VPS35L: variants seen among roughly 807,000 people sequenced by gnomAD.
VPS35L encodes VPS35 endosomal protein sorting factor like.
VPS35L carries 83 observed loss-of-function variants against 133.0 expected under a neutral mutation model. The ratio of observed to expected loss-of-function variants is 0.62; its 90% confidence interval spans 0.52 to 0.75. The LOEUF (loss-of-function observed/expected upper bound fraction) is 0.75. Ranked by LOEUF, VPS35L falls within the 30% of genes least tolerant of loss-of-function variation. The pLI, the probability that VPS35L is intolerant of heterozygous loss-of-function variation, is 0.00. For missense variants in VPS35L, 1,083 were observed against 1,206.8 expected, an observed-to-expected ratio of 0.90 and a Z score of 1.52; for synonymous variants, 423 against 449.9, an observed-to-expected ratio of 0.94 and a Z score of 0.76.
At chr16:19,567,961 CCCTGTCTCCAAAAAAAAAAAAAAAAGACA>C (rs1567385856) in intron 2 of VPS35L, among the ~76,000 whole-genome samples, 1 of 145,354 alleles carries the variant, frequency 6.9e-6, no homozygotes, top group African/African-American at 2.6e-5. Context: ...CAAAGCGAGA[CCCTGTCTCCAAAAAAAAAAAAAAAAGACA>C]TCTTCACTTC....
chr16:19,623,795 T>TATG (rs1160829145), intron 14 of VPS35L, among the ~76,000 whole-genome samples: 1 of 115,918 alleles, frequency 8.6e-6, no homozygotes, highest in Non-Finnish European at 1.6e-5. Flanking sequence ...TTATTATTAT[T>TATG]ATTATTATTA....
chr16:19,610,476 A>G, intron 12 of VPS35L, 61 bp downstream of exon 12: 1 of 1,343,614 alleles, frequency 7.4e-7, no homozygotes, highest in East Asian at 2.5e-5. Context: ...TTGAATGTTC[A>G]CACAGGGCCC....
At position 19,561,559 on chromosome 16, in the gene VPS35L, C is replaced by T. The variant is rs186413360; in HGVS notation, c.18-3292C>T. Among the ~76,000 whole-genome samples the T allele has an allele frequency of 1.1e-4, 16 of 152,090 alleles. No homozygotes were observed. In the East Asian group the frequency reaches 2.1e-3, roughly 20 times the overall value. ...TATTGGGTAAAGCTGACTAGTTGCA[C>T]GGCACAATTAGATCTGGGGTGCTAG... is the stretch of plus-strand genomic sequence containing the variant. On this transcript the variant is annotated intron_variant, in intron 1 of 30. Transcript: ENST00000417362.
At chr16:19,648,054 A>G (rs954197983) in intron 24 of VPS35L, among the ~76,000 whole-genome samples, 172 bp downstream of exon 24, 1 of 152,128 alleles carries the variant, frequency 6.6e-6, no homozygotes, top group Non-Finnish European at 1.5e-5. Context: ...CCTGGGCTCA[A>G]GCAATTCTCC....
At chr16:19,676,584 G>A (rs1225290665) in intron 27 of VPS35L, among the ~76,000 whole-genome samples, 1 of 152,088 alleles carries the variant, frequency 6.6e-6, no homozygotes, top group African/African-American at 2.4e-5. Context: ...GTTGCAATTT[G>A]CAAGAAATGG....
At chr16:19,696,556 T>C (rs1048993464) in intron 29 of VPS35L, among the ~76,000 whole-genome samples, 1 of 151,966 alleles carries the variant, frequency 6.6e-6, no homozygotes, top group Non-Finnish European at 1.5e-5. Flanking sequence ...ACAGTTCTCA[T>C]AGGAAAAGCA....
At chr16:19,572,996 TAA>T in intron 3 of VPS35L, 121 bp from the exon 4 acceptor site, 1 of 1,171,110 alleles carries the variant, frequency 8.5e-7, no homozygotes, top group Non-Finnish European at 1.1e-6. Context: ...TTTATGATAG[TAA>T]ACCTTGAGAC....
At chr16:19,584,788 C>T (rs563627557) in intron 7 of VPS35L, among the ~76,000 whole-genome samples, 1 of 151,968 alleles carries the variant, frequency 6.6e-6, no homozygotes, top group Admixed American at 6.6e-5. Flanking sequence ...AAGTCCCAGA[C>T]TCAAGTGATC....
chr16:19,579,207 T>A, intron 6 of VPS35L, 79 bp downstream of exon 6: 1 of 1,288,336 alleles, frequency 7.8e-7, no homozygotes, highest in Non-Finnish European at 1.1e-6. Context: ...CCTCGGTGGC[T>A]GCTCTTTGAT....
At position 19,671,260 on chromosome 16, in the gene VPS35L, G is replaced by C. The variant is rs1041348703; in HGVS notation, c.2361+1961G>C. 1.5e-4 allele frequency among the ~76,000 whole-genome samples: 23 copies of C among 152,130 alleles called. 1 individual carries two copies. The highest frequency in any genetic ancestry group is 1.4e-3 in the Admixed American group (21 of 15,266). On this transcript the variant is annotated intron_variant, in intron 27 of 30. Transcript: ENST00000417362. ...GAGGTGGACAGATCACCTGAGGTCAGGAGTTTGAGACCAGCCTGGCCAACA... is the reference window on the plus strand; with the variant it reads ...GAGGTGGACAGATCACCTGAGGTCACGAGTTTGAGACCAGCCTGGCCAACA...
chr16:19,564,360 G>A (rs2353916), intron 1 of VPS35L, among the ~76,000 whole-genome samples: 23,966 of 152,084 alleles, frequency 0.16, 1,983 homozygotes, highest in African/African-American at 0.19. Flanking sequence ...TTATAGGCAT[G>A]AGCCACTGCA....
chr16:19,671,647 G>C (rs1974878608), intron 27 of VPS35L, among the ~76,000 whole-genome samples: 1 of 151,798 alleles, frequency 6.6e-6, no homozygotes, highest in African/African-American at 2.4e-5. Context: ...AGTGGTGGCA[G>C]GCACCTGTAA....
Position 19,633,070 on chromosome 16 carries a change from T to C in VPS35L, c.1555-22T>C, listed in dbSNP as rs1314647978. 1 of 1,609,520 alleles carries C rather than the reference T, an allele frequency of 6.2e-7. No individual in the cohort carries two copies. Among genetic ancestry groups the C allele is most frequent in the Admixed American group, 1.7e-5 (1 of 60,008 alleles). ...TTGCCATACAGTGTCTAATTCAGGT[T>C]TGGTTCCTTTTTCCTGCTTAGAAAC... On this transcript the variant is annotated intron_variant, in intron 18 of 30. Transcript: ENST00000417362. This position sits in a 1 kb window ranked among gnomAD's most constrained non-coding sequence, Gnocchi z 4.1.
chr16:19,671,151 T>C (rs774042357), intron 27 of VPS35L, among the ~76,000 whole-genome samples: 12 of 152,312 alleles, frequency 7.9e-5, no homozygotes, highest in Admixed American at 2.6e-4. Context: ...TTTAGTCTTA[T>C]GTGTTTTATT....
intron 1 of VPS35L, among the ~76,000 whole-genome samples, chr16:19,558,056 C>T (rs1049738691): frequency 6.0e-5 from 9 of 151,014 alleles, no homozygotes; most frequent in African/African-American, 9.7e-5. Flanking sequence ...AGCTACTAAG[C>T]GAGACTCCGT....
At chr16:19,567,300 G>A (rs1458416124) in intron 2 of VPS35L, among the ~76,000 whole-genome samples, 9 of 152,156 alleles carry the variant, frequency 5.9e-5, no homozygotes, top group African/African-American at 1.9e-4. Context: ...GCAGGAAAAT[G>A]CTTTTCTCAA....
intron 5 of VPS35L, among the ~76,000 whole-genome samples, chr16:19,577,423 C>T (rs180971699): frequency 8.5e-5 from 13 of 152,266 alleles, no homozygotes; most frequent in Non-Finnish European, 2.9e-5. Flanking sequence ...GTGGATCCCC[C>T]ACTACAACCC....
chr16:19,562,209 C>T (rs1971051885), intron 1 of VPS35L, among the ~76,000 whole-genome samples: 1 of 152,210 alleles, frequency 6.6e-6, no homozygotes, highest in Admixed American at 6.5e-5. Flanking sequence ...AGAGATTGGC[C>T]TCAGCTCCTA....
At chr16:19,559,538 T>G (rs1416760842) in intron 1 of VPS35L, among the ~76,000 whole-genome samples, 1 of 152,172 alleles carries the variant, frequency 6.6e-6, no homozygotes, top group Non-Finnish European at 1.5e-5. Flanking sequence ...GAGGTCGCTG[T>G]TAGCCTTACC....
Sources: gnomAD v4.1 joint callset for allele counts (sites outside exome capture counted in the v4.1 genomes callset) on GRCh38, gnomAD v4.1.1 for gene constraint, Gnocchi (gnomAD v3.1) non-coding constraint, MANE v1.5 for transcripts, NCBI Gene and HGNC (gene_info 2026-07-23, HGNC 2026-07-21) for gene names.